ZDHHC21: variants seen among roughly 807,000 people sequenced by gnomAD.
ZDHHC21 encodes the protein palmitoyltransferase ZDHHC21.
A neutral mutation model predicts 34.6 loss-of-function variants in ZDHHC21; 15 were observed. The observed-to-expected ratio is 0.43, with a 90% CI of 0.29 to 0.67. ZDHHC21 has a LOEUF of 0.67. Among genes scored for constraint, ZDHHC21 ranks in the 30% least tolerant of loss-of-function variants. The pLI, the probability that ZDHHC21 is intolerant of heterozygous loss-of-function variation, is 0.14. For synonymous variants in ZDHHC21, 142 were observed against 101.8 expected (o/e 1.40, Z -2.38); for missense variants, 344 against 327.7 (o/e 1.05, Z -0.38).
At chr9:14,673,161 G>A (rs1281944416) in intron 4 of ZDHHC21, among the ~76,000 whole-genome samples, 1 of 151,898 alleles carries the variant, frequency 6.6e-6, no homozygotes, top group Non-Finnish European at 1.5e-5. Context: ...TTACATGATA[G>A]TAACTCAAAG....
intron 5 of ZDHHC21, among the ~76,000 whole-genome samples, chr9:14,663,447 A>G (rs1191284832): frequency 6.6e-6 from 1 of 151,892 alleles, no homozygotes; most frequent in Non-Finnish European, 1.5e-5. Context: ...AAAGTGAAAG[A>G]TAATAGTAGA....
At chr9:14,654,034 A>C (rs1831736936) in intron 7 of ZDHHC21, among the ~76,000 whole-genome samples, 1 of 152,000 alleles carries the variant, frequency 6.6e-6, no homozygotes, top group Non-Finnish European at 1.5e-5. Flanking sequence ...TTTATCTGAA[A>C]GTACCTGTCA....
chr9:14,656,377 A>T (rs539413294), intron 7 of ZDHHC21, among the ~76,000 whole-genome samples: 1 of 152,036 alleles, frequency 6.6e-6, no homozygotes, highest in South Asian at 2.1e-4. Flanking sequence ...TTACAATGGG[A>T]AATACTGTGG....
At chr9:14,668,838 T>C (rs1440894093) in intron 5 of ZDHHC21, among the ~76,000 whole-genome samples, 2 of 131,470 alleles carry the variant, frequency 1.5e-5, no homozygotes. Context: ...TTACACCTTA[T>C]ACAAAAATCA....
chr9:14,659,024 A>C (rs1484510121), intron 6 of ZDHHC21, 137 bp from the exon 7 acceptor site: 1 of 794,664 alleles, frequency 1.3e-6, no homozygotes, highest in African/African-American at 1.8e-5. Flanking sequence ...ACTTGAAGGT[A>C]AAAACAAACT....
chr9:14,638,515 G>A (rs1400918871), intron 8 of ZDHHC21, among the ~76,000 whole-genome samples: 1 of 151,828 alleles, frequency 6.6e-6, no homozygotes, highest in African/African-American at 2.4e-5. Flanking sequence ...CTCAAAAAAT[G>A]CAGACAACAA....
rs190901268 is a variant in ZDHHC21, at chr9:14,660,940, A to G, written c.365+1275T>C. Among the ~76,000 whole-genome samples the G allele has an allele frequency of 8.6e-4, 131 of 152,324 alleles. 2 individuals are homozygous for G. In the Middle Eastern group the frequency reaches 0.02, roughly 24 times the overall value. ...GTATGATCAGCAATTATCTGAATAC[A>G]TGTTTCACGTAGCTTTCTAAAAATC... On this transcript the variant is annotated intron_variant, in intron 6 of 9. Coordinates refer to ENST00000380916, the MANE Select transcript of ZDHHC21 (RefSeq NM_178566.6).
chr9:14,635,804 T>G (rs1828193143), intron 8 of ZDHHC21, among the ~76,000 whole-genome samples: 1 of 152,146 alleles, frequency 6.6e-6, no homozygotes, highest in African/African-American at 2.4e-5. Context: ...GAGGTTGCAG[T>G]GAGCCGAGAT....
intron 2 of ZDHHC21, among the ~76,000 whole-genome samples, chr9:14,684,704 T>G (rs1487533123): frequency 1.3e-5 from 2 of 149,948 alleles, no homozygotes; most frequent in Non-Finnish European, 3.0e-5. Flanking sequence ...AAAAACTACT[T>G]TAAAGCTCAT....
chr9:14,634,632 A>G lies in ZDHHC21; in HGVS notation c.621+5264T>C, dbSNP rs76331765. Among the ~76,000 whole-genome samples the G allele has an allele frequency of 3.3e-3, 502 of 152,340 alleles. 1 individual carries two copies. Among genetic ancestry groups the G allele is most frequent in the East Asian group, 0.03 (157 of 5,190 alleles). Reference sequence around the variant, plus strand: ...AATCCTACAGCAACTATAATACTGCACATTCCCAGAATCAAAACCAAAGGG... The same window carrying G: ...AATCCTACAGCAACTATAATACTGCGCATTCCCAGAATCAAAACCAAAGGG... On this transcript the variant is annotated intron_variant, in intron 8 of 9. Coordinates refer to ENST00000380916, the MANE Select transcript of ZDHHC21 (RefSeq NM_178566.6).
intron 4 of ZDHHC21, among the ~76,000 whole-genome samples, 172 bp from the exon 5 acceptor site, chr9:14,673,100 G>A (rs1267824304): frequency 6.6e-6 from 1 of 151,746 alleles, no homozygotes; most frequent in African/African-American, 2.4e-5. Context: ...CTGTCAGGAG[G>A]ACTATCTTAA....
intron 2 of ZDHHC21, among the ~76,000 whole-genome samples, chr9:14,681,662 T>C (rs1374322375): frequency 6.6e-6 from 1 of 152,052 alleles, no homozygotes; most frequent in Admixed American, 6.5e-5. Flanking sequence ...GGTTGACTGT[T>C]AACCCCGTGA....
rs377006958 is a variant in ZDHHC21, at chr9:14,612,843, T to TACACCC, written c.*6122_*6123insGGGTGT. 12 of 143,338 alleles carry TACACCC rather than the reference T, an allele frequency of 8.4e-5. No homozygotes were observed. Among genetic ancestry groups the TACACCC allele is most frequent in the Non-Finnish European group, 1.7e-4 (11 of 65,194 alleles). The allele number at this position is 143,338 out of a possible 1,614,324, so 8.9% of individuals were successfully genotyped here. A position where few individuals can be genotyped will look rare whatever the true frequency, so the allele number is the denominator to read the frequency against. Reference sequence around the variant, plus strand: ...ATTATTCTTTAAAGCCACTAAAGATTACACACACACACACACACACACACA... The same window carrying TACACCC: ...ATTATTCTTTAAAGCCACTAAAGATTACACCCACACACACACACACACACACACACA... On this transcript the variant is annotated 3_prime_UTR_variant, in exon 10 of 10. Coordinates refer to ENST00000380916, the MANE Select transcript of ZDHHC21 (RefSeq NM_178566.6).
chr9:14,602,485 T>TA, the ZDHHC21 span, among the ~76,000 whole-genome samples: 1 of 151,354 alleles, frequency 6.6e-6, no homozygotes, highest in Admixed American at 6.6e-5. Context: ...CAAAGTGCAG[T>TA]GATTCCCAAG....
At position 14,658,722 on chromosome 9, in the gene ZDHHC21, C is replaced by T. The variant is rs370730939; in HGVS notation, c.504+27G>A. 5.1e-5 allele frequency: 82 copies of T among 1,605,968 alleles called. No individual in the cohort carries two copies. The African/African-American group carries it at 9.2e-4, about 18-fold the overall frequency. On this transcript the variant is annotated intron_variant, in intron 7 of 9. Coordinates refer to ENST00000380916, the MANE Select transcript of ZDHHC21 (RefSeq NM_178566.6). ...TCCTGACCTCGTGATCCGCCCGCCT[C>T]GGCCTCCCAATATAAACATTTCTTA...
rs202047437 is a variant in ZDHHC21 at position 14,670,804 on chromosome 9, A to G, written c.253+2026T>C. The stretch of plus-strand genomic sequence containing the variant: ...GAGAAATCACTATTGTCAAAAATCC[A>G]GCAATTTAATTGATCATCTAGAAGG... On this transcript the variant is annotated intron_variant, in intron 5 of 9. Coordinates refer to ENST00000380916, the MANE Select transcript of ZDHHC21 (RefSeq NM_178566.6). Among the ~76,000 whole-genome samples, 4 of 152,224 alleles carry G rather than the reference A, an allele frequency of 2.6e-5. No individual in the cohort carries two copies. In the East Asian group the frequency reaches 7.7e-4, roughly 29 times the overall value.
the ZDHHC21 span, chr9:14,589,085 T>C: frequency 1.3e-5 from 2 of 152,150 alleles, no homozygotes; most frequent in African/African-American, 4.8e-5. Flanking sequence ...TGATGCTGTA[T>C]GACATCTGCA....
intron 7 of ZDHHC21, among the ~76,000 whole-genome samples, chr9:14,642,398 C>G (rs1189113828): frequency 1.3e-5 from 2 of 151,932 alleles, no homozygotes; most frequent in African/African-American, 4.8e-5. Context: ...TTATCCAAAT[C>G]ACAGGAACCC....
intron 6 of ZDHHC21, among the ~76,000 whole-genome samples, chr9:14,659,675 C>T (rs1832988079): frequency 6.6e-6 from 1 of 152,068 alleles, no homozygotes; most frequent in Non-Finnish European, 1.5e-5. Flanking sequence ...GAAAAAGAAA[C>T]GATGTAACAG....
Sources: gnomAD v4.1 joint callset for allele counts (sites outside exome capture counted in the v4.1 genomes callset) on GRCh38, gnomAD v4.1.1 for gene constraint, MANE v1.5 for transcripts, NCBI Gene and HGNC (gene_info 2026-07-23, HGNC 2026-07-21) for gene names.